ANOS1: variants seen among roughly 807,000 people sequenced by gnomAD.
ANOS1 encodes the protein anosmin-1.
Under a neutral mutation model 59.0 loss-of-function variants are expected in ANOS1, and 6 were observed. The observed-to-expected ratio is 0.10, with a 90% CI of 0.06 to 0.20. The LOEUF (loss-of-function observed/expected upper bound fraction) is 0.20, where lower values mean the gene tolerates loss of function less well. Ranked by LOEUF, ANOS1 falls within the 10% of genes least tolerant of loss-of-function variation. The pLI is 1.00. For missense variants in ANOS1, 433 were observed against 542.3 expected (o/e 0.80, Z 2.00); for synonymous variants, 217 against 223.4 (o/e 0.97, Z 0.25).
At chrX:8,587,410 G>T (rs1930537341) in intron 5 of ANOS1, among the ~76,000 whole-genome samples, 1 of 111,728 alleles carries the variant, frequency 9.0e-6, no homozygotes, top group Non-Finnish European at 1.9e-5. Flanking sequence ...AAATGCAGGA[G>T]AAACAGAAGA....
intron 2 of ANOS1, among the ~76,000 whole-genome samples, chrX:8,630,156 G>A (rs1456317056): frequency 8.9e-6 from 1 of 112,203 alleles, no homozygotes; most frequent in Non-Finnish European, 1.9e-5. Flanking sequence ...CCGGCCAGGC[G>A]TGGTGGCTCA....
intron 3 of ANOS1, among the ~76,000 whole-genome samples, chrX:8,601,806 C>A (rs976891388): frequency 5.3e-5 from 6 of 112,364 alleles, no homozygotes; most frequent in African/African-American, 1.6e-4. Flanking sequence ...AATACATACT[C>A]AATAAGAATT....
At chrX:8,548,464 G>T (rs890689378) in intron 9 of ANOS1, among the ~76,000 whole-genome samples, 5 of 112,205 alleles carry the variant, frequency 4.5e-5, no homozygotes, top group Non-Finnish European at 9.4e-5. Context: ...TCCATACCAA[G>T]TGTTTTCAAG....
chrX:8,615,598 C>T (rs1334252248), intron 3 of ANOS1, among the ~76,000 whole-genome samples: 1 of 110,141 alleles, frequency 9.1e-6, no homozygotes, highest in Non-Finnish European at 1.9e-5. Flanking sequence ...GTGTCAGTCA[C>T]TCCAGCCTCC....
At chrX:8,557,631 T>A (rs748814703) in intron 8 of ANOS1, among the ~76,000 whole-genome samples, 7 of 112,006 alleles carry the variant, frequency 6.2e-5, no homozygotes, top group Non-Finnish European at 9.4e-5. Context: ...TTAGATACCA[T>A]CTCATGCCAG....
chrX:8,538,206 T>C (rs1389454980), intron 10 of ANOS1, among the ~76,000 whole-genome samples: 1 of 112,146 alleles, frequency 8.9e-6, no homozygotes, highest in Non-Finnish European at 1.9e-5. Context: ...ATAAATCTGC[T>C]CTTTACATGG....
intron 6 of ANOS1, among the ~76,000 whole-genome samples, chrX:8,573,056 A>ATTTT (rs34564264): frequency 8.6e-5 from 7 of 81,162 alleles, no homozygotes; most frequent in African/African-American, 3.0e-4. Flanking sequence ...ACTCTACTGG[A>ATTTT]TTTTTTTTTT....
At chrX:8,634,360 CA>C (rs199600210) in intron 2 of ANOS1, among the ~76,000 whole-genome samples, 325 of 106,989 alleles carry the variant, frequency 3.0e-3, no homozygotes, top group African/African-American at 0.01. Flanking sequence ...CAAATATAGC[CA>C]AAAAAAAGAA....
At chrX:8,648,592 A>G (rs1931800033) in intron 2 of ANOS1, among the ~76,000 whole-genome samples, 1 of 112,100 alleles carries the variant, frequency 8.9e-6, no homozygotes, top group African/African-American at 3.2e-5. Context: ...TCTAGTCTAA[A>G]ATAATGACAA....
At chrX:8,729,712 TAAAAAA>T (rs1173021674) in intron 1 of ANOS1, among the ~76,000 whole-genome samples, 24,317 of 62,434 alleles carry the variant, frequency 0.39, 3,888 homozygotes, top group East Asian at 0.6. Context: ...TTCTAATTAT[TAAAAAA>T]AAAAAAAAAA....
intron 2 of ANOS1, among the ~76,000 whole-genome samples, chrX:8,685,597 GAAGAAAGAAAGAAAGAAAGAAAGAAAGA>G (rs557905634): frequency 8.7e-5 from 5 of 57,253 alleles, no homozygotes; most frequent in African/African-American, 2.6e-4. Context: ...AGAAAGAAAG[GAAGAAAGAAAGAAAGAAAGAAAGAAAGA>G]AAGAAAGAAA....
chrX:8,568,336 C>A lies in ANOS1; in HGVS notation c.1103G>T (p.Cys368Phe). ...SVILEKLQPD[C>F]DYVVELQAIT... The stretch of plus-strand genomic sequence containing the variant: ...GGCTTGCAATTCCACAACATAGTCA[C>A]AGTCTGGCTGGAGTTTCTCCAGGAT... Residue 368 changes from cysteine (C) to phenylalanine (F), a missense_variant, in exon 8 of 14, where the codon TGT (cysteine) becomes TTT (phenylalanine). Cys to Phe is a radical substitution (Grantham distance 205, BLOSUM62 -2). Transcript: ENST00000262648. 2.5e-6 allele frequency: 3 copies of A among 1,210,230 alleles called. No homozygotes were observed. Among genetic ancestry groups the A allele is most frequent in the Non-Finnish European group, 2.2e-6 (2 of 894,172 alleles).
At chrX:8,561,722 T>C (rs990894523) in intron 8 of ANOS1, among the ~76,000 whole-genome samples, 5 of 109,088 alleles carry the variant, frequency 4.6e-5, no homozygotes, top group Admixed American at 9.9e-5. Flanking sequence ...GCTGGGATTA[T>C]AGGCATGAGC....
intron 1 of ANOS1, among the ~76,000 whole-genome samples, chrX:8,709,470 C>T (rs752738640): frequency 1.8e-5 from 2 of 111,563 alleles, no homozygotes; most frequent in African/African-American, 6.5e-5. Flanking sequence ...CTTTGAATTA[C>T]ATTGTTTTCT....
intron 9 of ANOS1, among the ~76,000 whole-genome samples, chrX:8,540,668 C>T (rs1378847010): frequency 1.9e-5 from 2 of 106,874 alleles, no homozygotes; most frequent in Non-Finnish European, 3.9e-5. Flanking sequence ...AACATCTTGT[C>T]CCCCAACATC....
chrX:8,728,206 A>G (rs764975971), intron 1 of ANOS1, among the ~76,000 whole-genome samples: 1 of 112,079 alleles, frequency 8.9e-6, no homozygotes, highest in East Asian at 2.8e-4. Context: ...TCGTCAATGA[A>G]CTGTGTGATG....
intron 1 of ANOS1, among the ~76,000 whole-genome samples, chrX:8,700,730 C>T (rs1195976254): frequency 8.9e-6 from 1 of 112,201 alleles, no homozygotes; most frequent in Non-Finnish European, 1.9e-5. Flanking sequence ...TATTTGGGGC[C>T]GGGCGTGGTG....
At chrX:8,730,766 G>A (rs1391664546) in intron 1 of ANOS1, among the ~76,000 whole-genome samples, 6 of 111,129 alleles carry the variant, frequency 5.4e-5, no homozygotes, top group Non-Finnish European at 1.9e-5. Flanking sequence ...GGCACCTAGG[G>A]ATAGAGGCGA....
chrX:8,646,702 C>T (rs748012102), intron 2 of ANOS1, among the ~76,000 whole-genome samples: 64 of 109,734 alleles, frequency 5.8e-4, no homozygotes, highest in Admixed American at 5.0e-3. Flanking sequence ...GAGGCTGCAG[C>T]GGGTGGATTG....
Sources: gnomAD v4.1 joint callset for allele counts (sites outside exome capture counted in the v4.1 genomes callset) on GRCh38, gnomAD v4.1.1 for gene constraint, MANE v1.5 for transcripts, NCBI Gene and HGNC (gene_info 2026-07-23, HGNC 2026-07-21) for gene names.